TMEM59L: variants seen among roughly 807,000 people sequenced by gnomAD.
TMEM59L encodes the protein transmembrane protein 59 like, also known as transmembrane protein 59-like.
TMEM59L carries 31 observed loss-of-function variants against 39.6 expected under a neutral mutation model. The observed-to-expected ratio is 0.78, with a 90% CI of 0.59 to 1.06. TMEM59L has a LOEUF of 1.06. TMEM59L is among the 50% of genes least tolerant of loss of function. The probability of loss-of-function intolerance (pLI) is 0.00; values close to 1 mark genes in which losing one functional copy is unlikely to be tolerated. For missense variants in TMEM59L, 441 were observed against 451.3 expected, an observed-to-expected ratio of 0.98 and a Z score of 0.21; for synonymous variants, 219 against 202.9, an observed-to-expected ratio of 1.08 and a Z score of -0.68.
In TMEM59L at chr19:18,613,925, C is replaced by T. The variant is rs747991348; in HGVS notation, c.225C>T (p.Ser75=). 2.5e-6 allele frequency: 4 copies of T among 1,613,008 alleles called. No individual in the cohort carries two copies. The African/African-American group carries it at 4.0e-5, about 16-fold the overall frequency. The change falls in exon 2 of 8, where the codon AGC becomes AGT. Residue 75 remains serine (S), a synonymous_variant. Coordinates refer to ENST00000262817, the MANE Select transcript of TMEM59L (RefSeq NM_012109.3). ...CCTATGACAGAGCCGTTCTGATCAG[C>T]GCTTGCGAGCGTGGCTGCCGCCTCT... ...ESPYDRAVLI[S]ACERGCRLFS...
At chr19:18,618,070 G>C in intron 5 of TMEM59L, 85 bp from the exon 6 acceptor site, 2 of 1,014,674 alleles carry the variant, frequency 2.0e-6, no homozygotes, top group Admixed American at 3.5e-5. Context: ...TATGCCCCAG[G>C]TCCTGACCTC....
chr19:18,613,855 G>A lies in TMEM59L; in HGVS notation c.172-17G>A. The A allele has an allele frequency of 6.2e-7, 1 of 1,601,446 alleles. No individual in the cohort carries two copies. The highest frequency in any genetic ancestry group is 8.5e-7 in the Non-Finnish European group (1 of 1,174,290). The stretch of plus-strand genomic sequence containing the variant: ...CCCCTCCCCATGGCCTGAGCCCCCT[G>A]TCCTCCCCTCCCCCAGGCGGGGCTG... On this transcript the variant is annotated splice_polypyrimidine_tract_variant and intron_variant, in intron 1 of 7. Transcript: ENST00000262817.
At chr19:18,620,022 A>C (rs200103707) in intron 7 of TMEM59L, among the ~76,000 whole-genome samples, 16 of 120,618 alleles carry the variant, frequency 1.3e-4, no homozygotes, top group Admixed American at 2.6e-4. Flanking sequence ...CACACACACA[A>C]AAGTCCAGGT....
intron 3 of TMEM59L, among the ~76,000 whole-genome samples, chr19:18,615,664 G>T (rs1198610892): frequency 6.6e-6 from 1 of 152,222 alleles, no homozygotes; most frequent in Non-Finnish European, 1.5e-5. Flanking sequence ...CTAGAGTTCA[G>T]TGGTGTGATC....
chr19:18,615,943 C>T, intron 3 of TMEM59L, 32 bp from the exon 4 acceptor site: 1 of 1,606,848 alleles, frequency 6.2e-7, no homozygotes, highest in Non-Finnish European at 8.5e-7. Context: ...TATTTCGGTG[C>T]CATCTTTGTG....
rs1976422411 is a variant in TMEM59L at position 18,615,955 on chromosome 19, C to T, written c.409-20C>T. ...CCCTATTTCGGTGCCATCTTTGTGTCTTGGACCTTTTTTCACCAGAGAAAG... is the reference window on the plus strand; with the variant it reads ...CCCTATTTCGGTGCCATCTTTGTGTTTTGGACCTTTTTTCACCAGAGAAAG... On this transcript the variant is annotated intron_variant, in intron 3 of 7. Coordinates refer to ENST00000262817, the MANE Select transcript of TMEM59L (RefSeq NM_012109.3). 4.3e-6 allele frequency: 7 copies of T among 1,611,896 alleles called. No homozygotes were observed. The highest frequency in any genetic ancestry group is 5.9e-6 in the Non-Finnish European group (7 of 1,178,694).
chr19:18,618,378 C>G lies in TMEM59L; in HGVS notation c.786C>G (p.Arg262=). 6.2e-7 allele frequency: 1 copy of G among 1,605,190 alleles called. No individual in the cohort carries two copies. Among genetic ancestry groups the G allele is most frequent in the Non-Finnish European group, 8.5e-7 (1 of 1,178,356 alleles). Reference sequence around the variant, plus strand: ...TGGTGCCTGCCGGGCGGGGCAGGCGCTCGGGTCTGCCTCGCTGGATCCTGG... The same window carrying G: ...TGGTGCCTGCCGGGCGGGGCAGGCGGTCGGGTCTGCCTCGCTGGATCCTGG... The part of the protein sequence containing the change: ...DNDFLSCMSR[R]SGLPRWILAC... The change falls in exon 7 of 8, where the codon CGC becomes CGG. Residue 262 remains arginine, a synonymous_variant. Coordinates refer to ENST00000262817, the MANE Select transcript of TMEM59L (RefSeq NM_012109.3).
intron 3 of TMEM59L, 41 bp downstream of exon 3, chr19:18,614,236 C>A (rs1021328091): frequency 2.0e-6 from 3 of 1,535,320 alleles, no homozygotes; most frequent in Middle Eastern, 1.7e-4. Flanking sequence ...TTTCCCAATA[C>A]CCCCACCCTC....
chr19:18,613,161 G>A (rs1976389078), intron 1 of TMEM59L, 32 bp downstream of exon 1: 1 of 1,260,518 alleles, frequency 7.9e-7, no homozygotes, highest in African/African-American at 1.6e-5. Flanking sequence ...GTGCCAGCGG[G>A]GGACGCGGGA....
chr19:18,614,298 C>A, intron 3 of TMEM59L, 103 bp downstream of exon 3: 2 of 1,335,330 alleles, frequency 1.5e-6, no homozygotes, highest in Admixed American at 2.1e-5. Context: ...CCAGACTCTG[C>A]GTTCTATACC....
chr19:18,616,307 G>A (rs1366752742), intron 4 of TMEM59L, among the ~76,000 whole-genome samples, 180 bp downstream of exon 4: 1 of 152,172 alleles, frequency 6.6e-6, no homozygotes, highest in African/African-American at 2.4e-5. Context: ...TTTTGTGGTG[G>A]CTTCATTCCC....
chr19:18,617,250 T>A (rs748383312), intron 5 of TMEM59L, 148 bp downstream of exon 5: 1 of 703,382 alleles, frequency 1.4e-6, no homozygotes, highest in Non-Finnish European at 2.6e-6. Context: ...CATGGTCTAT[T>A]TCCCAGGGTT....
chr19:18,612,915 G>A lies in TMEM59L; in HGVS notation c.-44G>A, dbSNP rs1337109544. ...CGCAGCCGCTGCATCCTCCGTGCCC[G>A]GCCTGAGCTGGAGTCCCCCGCGCCC... On this transcript the variant is annotated 5_prime_UTR_variant, in exon 1 of 8. Transcript: ENST00000262817. This position sits in a 1 kb window ranked among gnomAD's most constrained non-coding sequence, Gnocchi z 6.2. The A allele has an allele frequency of 9.5e-6, 12 of 1,268,278 alleles. No individual in the cohort carries two copies. The highest frequency in any genetic ancestry group is 1.2e-5 in the Non-Finnish European group (12 of 1,009,354). The allele number at this position is 1,268,278 out of a possible 1,614,324, so 78.6% of individuals were successfully genotyped here.
chr19:18,618,701 TA>T (rs1373257653), intron 7 of TMEM59L, among the ~76,000 whole-genome samples: 47 of 92,426 alleles, frequency 5.1e-4, no homozygotes, highest in South Asian at 2.4e-3. Flanking sequence ...TATATATATA[TA>T]TATTTTTTTT....
chr19:18,617,348 T>C (rs1326521556), intron 5 of TMEM59L: 2 of 611,394 alleles, frequency 3.3e-6, no homozygotes, highest in Non-Finnish European at 6.1e-6. Flanking sequence ...CTCCCCGGGT[T>C]CCATGGTCTA....
At chr19:18,618,302 G>A (rs766463877) in intron 6 of TMEM59L, 30 bp downstream of exon 6, 8 of 556,646 alleles carry the variant, frequency 1.4e-5, no homozygotes, top group South Asian at 5.7e-5. Flanking sequence ...GGGTGGGAGG[G>A]GGGTGGGACT....
rs537518496 is a variant in TMEM59L at position 18,618,700 on chromosome 19, A to T, written c.900+208A>T. ...ATATATATATATATAATATATATAT[A>T]TATATTTTTTTTGAGATGGAGTCTT... On this transcript the variant is annotated intron_variant, in intron 7 of 7. Transcript: ENST00000262817. Among the ~76,000 whole-genome samples the T allele has an allele frequency of 5.0e-3, 560 of 111,584 alleles. 4 individuals are homozygous for T. The highest frequency in any genetic ancestry group is 0.016 in the African/African-American group (530 of 33,488). The allele number at this position is 111,584 out of a possible 152,430, so 73.2% of individuals were successfully genotyped here.
rs112504280 is a variant in TMEM59L, at chr19:18,617,103, G to A, written c.664+1G>A. 6.2e-7 allele frequency: 1 copy of A among 1,610,834 alleles called. No individual in the cohort carries two copies. On this transcript the variant is annotated splice_donor_variant, in intron 5 of 7. Coordinates refer to ENST00000262817, the MANE Select transcript of TMEM59L (RefSeq NM_012109.3). LOFTEE classifies it high-confidence loss of function. ...CCTGAAGCCCTGGAGGTGCACGTGG[G>A]TAAGGTGCAACCTAGACCAGTGTTC... is the stretch of plus-strand genomic sequence containing the variant.
chr19:18,618,165 C>G lies in TMEM59L; in HGVS notation c.675C>G (p.Gly225=). 2 of 1,613,392 alleles carry G rather than the reference C, an allele frequency of 1.2e-6. No individual in the cohort carries two copies. Among genetic ancestry groups the G allele is most frequent in the Non-Finnish European group, 1.7e-6 (2 of 1,179,476 alleles). Residue 225 remains glycine (G), a synonymous_variant, in exon 6 of 8, where the codon GGC becomes GGG. Transcript: ENST00000262817. Reference sequence around the variant, plus strand: ...CAGCTGATCTCTCAGACCCTGTAGGCCCCCTGGACAAGGTGAGGAAGGCCA... The same window carrying G: ...CAGCTGATCTCTCAGACCCTGTAGGGCCCCTGGACAAGGTGAGGAAGGCCA... ...EALEVHVDPV[G]PLDKVRKAKI...
Sources: gnomAD v4.1 joint callset for allele counts (sites outside exome capture counted in the v4.1 genomes callset) on GRCh38, gnomAD v4.1.1 for gene constraint, Gnocchi (gnomAD v3.1) non-coding constraint, MANE v1.5 for transcripts, NCBI Gene and HGNC (gene_info 2026-07-23, HGNC 2026-07-21) for gene names.